The following IQSEC1 variants were observed in gnomAD, a reference collection of about 807,000 sequenced individuals.
The protein encoded by IQSEC1 is IQ motif and Sec7 domain ArfGEF 1, also known as IQ motif and SEC7 domain-containing protein 1.
Under a neutral mutation model 91.0 loss-of-function variants are expected in IQSEC1, and 31 were observed. The observed-to-expected ratio is 0.34, with a 90% confidence interval of 0.26 to 0.46. The LOEUF is 0.46. Among genes scored for constraint, IQSEC1 ranks in the 20% least tolerant of loss-of-function variants. The pLI, the probability that IQSEC1 is intolerant of heterozygous loss-of-function variation, is 1.00. For synonymous variants in IQSEC1, 699 were observed against 662.6 expected, an observed-to-expected ratio of 1.05 and a Z score of -0.84; for missense variants, 1,388 against 1,575.6, an observed-to-expected ratio of 0.88 and a Z score of 2.02.
chr3:13,234,128 G>C (rs150115712), intron 1 of IQSEC1, among the ~76,000 whole-genome samples: 1 of 152,350 alleles, frequency 6.6e-6, no homozygotes, highest in East Asian at 1.9e-4. Context: ...CTTTGGCACA[G>C]ATTGTGCCTG....
chr3:13,072,939 G>T, intron 1 of IQSEC1, 53 bp downstream of exon 1: 1 of 1,489,134 alleles, frequency 6.7e-7, no homozygotes. Context: ...TCCCAGCTCA[G>T]CCGGGCCCCT....
intron 1 of IQSEC1, among the ~76,000 whole-genome samples, chr3:13,018,758 G>A (rs1703259921): frequency 6.6e-6 from 1 of 152,196 alleles, no homozygotes; most frequent in Non-Finnish European, 1.5e-5. Context: ...GAGGCTGCCT[G>A]TTATACAAAC....
intron 1 of IQSEC1, among the ~76,000 whole-genome samples, chr3:13,066,537 A>C (rs2125100969): frequency 6.6e-6 from 1 of 152,344 alleles, no homozygotes; most frequent in Non-Finnish European, 1.5e-5. Flanking sequence ...CCGGCAGAGG[A>C]GCCAGCATGG....
intron 1 of IQSEC1, among the ~76,000 whole-genome samples, chr3:13,003,455 G>A (rs941592866): frequency 1.3e-5 from 2 of 152,142 alleles, no homozygotes; most frequent in African/African-American, 2.4e-5. Flanking sequence ...ACAAAAAGTG[G>A]TTGTTGAGGA....
chr3:13,048,296 C>A (rs144337902), intron 1 of IQSEC1, among the ~76,000 whole-genome samples: 2 of 152,236 alleles, frequency 1.3e-5, no homozygotes, highest in African/African-American at 4.8e-5. Context: ...GTCTTCAGGG[C>A]GTGGAGTGAT....
intron 1 of IQSEC1, among the ~76,000 whole-genome samples, chr3:13,196,749 C>CAT: frequency 6.7e-6 from 1 of 148,498 alleles, no homozygotes; most frequent in East Asian, 2.0e-4. Flanking sequence ...CATGTGTGTG[C>CAT]GTGTGTGTGT....
chr3:12,966,101 G>A (rs1468065608), intron 1 of IQSEC1, among the ~76,000 whole-genome samples: 1 of 152,172 alleles, frequency 6.6e-6, no homozygotes, highest in Non-Finnish European at 1.5e-5. Context: ...TGAGGGCCGC[G>A]GGTGTGTGTG....
intron 1 of IQSEC1, among the ~76,000 whole-genome samples, chr3:13,021,188 C>T (rs1003228250): frequency 6.6e-6 from 1 of 152,174 alleles, no homozygotes; most frequent in African/African-American, 2.4e-5. Flanking sequence ...ATGGGGAGAC[C>T]CCAGCCTTGC....
At chr3:13,109,777 T>G (rs1398741400) in intron 2 of IQSEC1, among the ~76,000 whole-genome samples, 1 of 143,632 alleles carries the variant, frequency 7.0e-6, no homozygotes, top group Non-Finnish European at 1.5e-5. Flanking sequence ...TGCAGAACCA[T>G]GAGCTGATTA....
chr3:12,944,533 G>A (rs745882860), intron 1 of IQSEC1, among the ~76,000 whole-genome samples: 46 of 152,142 alleles, frequency 3.0e-4, no homozygotes, highest in Non-Finnish European at 4.9e-4. Context: ...CCACGCCTCT[G>A]CTCCAGGCCT....
chr3:13,164,180 G>C (rs747163076), intron 1 of IQSEC1, among the ~76,000 whole-genome samples: 1 of 152,070 alleles, frequency 6.6e-6, no homozygotes, highest in African/African-American at 2.4e-5. Context: ...CCTCTGCTCC[G>C]GGAGACCTGC....
intron 1 of IQSEC1, among the ~76,000 whole-genome samples, chr3:12,968,084 C>T (rs7636685): frequency 0.13 from 19,380 of 152,246 alleles, 1,305 homozygotes; most frequent in South Asian, 0.18. Context: ...CCATGTCTTC[C>T]TCTCCAGCGT....
At chr3:12,910,724 C>T (rs1268354246) in intron 10 of IQSEC1, among the ~76,000 whole-genome samples, 9 of 152,354 alleles carry the variant, frequency 5.9e-5, no homozygotes, top group East Asian at 5.8e-4. Context: ...CAGATCCAGG[C>T]GCAAGGCCTG....
chr3:13,059,943 G>A (rs566769216), intron 1 of IQSEC1, among the ~76,000 whole-genome samples: 1 of 152,356 alleles, frequency 6.6e-6, no homozygotes, highest in East Asian at 1.9e-4. Flanking sequence ...CAGGGTTGCT[G>A]TGGGGTGCTA....
chr3:13,228,906 C>T (rs1052720735), intron 1 of IQSEC1, among the ~76,000 whole-genome samples: 1 of 152,192 alleles, frequency 6.6e-6, no homozygotes, highest in Non-Finnish European at 1.5e-5. Context: ...TCAGTTTAGT[C>T]TGTCTCCTCT....
chr3:12,959,787 C>A (rs1165184191), intron 1 of IQSEC1, among the ~76,000 whole-genome samples: 1 of 150,458 alleles, frequency 6.6e-6, no homozygotes, highest in African/African-American at 2.4e-5. Context: ...ACATAGGGAT[C>A]ATTATACCAT....
intron 2 of IQSEC1, among the ~76,000 whole-genome samples, chr3:13,148,040 C>T (rs1706926538): frequency 6.6e-6 from 1 of 152,178 alleles, no homozygotes; most frequent in Admixed American, 6.5e-5. Flanking sequence ...AAGGAATCTC[C>T]ATACTATTTT....
intron 2 of IQSEC1, among the ~76,000 whole-genome samples, chr3:13,109,177 T>C (rs971370735): frequency 7.9e-5 from 12 of 152,142 alleles, no homozygotes; most frequent in African/African-American, 2.2e-4. Context: ...CAATGCTGCA[T>C]GGTGAAGGTG....
At chr3:13,051,861 C>T (rs1038554795) in intron 1 of IQSEC1, among the ~76,000 whole-genome samples, 2 of 151,936 alleles carry the variant, frequency 1.3e-5, no homozygotes, top group Non-Finnish European at 2.9e-5. Context: ...GAAATATGGA[C>T]GCTTGGGCCC....
Sources: gnomAD v4.1 joint callset for allele counts (sites outside exome capture counted in the v4.1 genomes callset) on GRCh38, gnomAD v4.1.1 for gene constraint, MANE v1.5 for transcripts, NCBI Gene and HGNC (gene_info 2026-07-23, HGNC 2026-07-21) for gene names.